MINDY2: variants seen among roughly 807,000 people sequenced by gnomAD.
The protein encoded by MINDY2 is ubiquitin carboxyl-terminal hydrolase MINDY-2.
In MINDY2, 52 loss-of-function variants were observed where a neutral mutation model predicts 68.2. The observed-to-expected ratio is 0.76, with a 90% CI of 0.61 to 0.96. The LOEUF (loss-of-function observed/expected upper bound fraction) is 0.96. MINDY2 is among the 40% of genes least tolerant of loss of function. The probability of loss-of-function intolerance (pLI) is 0.00; values close to 1 mark genes in which losing one functional copy is unlikely to be tolerated. For missense variants in MINDY2, 881 were observed against 773.4 expected (o/e 1.14, Z -1.65); for synonymous variants, 372 against 303.0 (o/e 1.23, Z -2.36).
chr15:58,800,444 A>G (rs945837375), intron 2 of MINDY2, among the ~76,000 whole-genome samples: 6 of 152,148 alleles, frequency 3.9e-5, no homozygotes, highest in African/African-American at 1.4e-4. Context: ...ACTTATCAGC[A>G]TATTATTTAG....
At chr15:58,810,148 G>C in intron 3 of MINDY2, 82 bp from the exon 4 acceptor site, 2 of 1,234,308 alleles carry the variant, frequency 1.6e-6, no homozygotes, top group Non-Finnish European at 2.3e-6. Flanking sequence ...AAAATTAAAA[G>C]TAAATGTGCT....
At chr15:58,849,808 C>G (rs914424095) in intron 7 of MINDY2, among the ~76,000 whole-genome samples, 1 of 152,092 alleles carries the variant, frequency 6.6e-6, no homozygotes, top group Non-Finnish European at 1.5e-5. Context: ...GTGGTGCGAT[C>G]TCGGCTCACT....
Position 58,831,804 on chromosome 15 carries a change from C to T in MINDY2, c.1256C>T (p.Thr419Ile). ...GTAGCTGAGCAGTTTCTAAATAACA[C>T]AGCCACTCAACTGACATACCATGGA... Reference protein sequence around the residue: ...GFVAEQFLNNTATQLTYHGLC... With the variant: ...GFVAEQFLNNIATQLTYHGLC... The change falls in exon 6 of 9, where the codon ACA becomes ATA. Residue 419 changes from threonine (T) to isoleucine (I), a missense_variant. Transcript: ENST00000559228. 1 of 1,613,440 alleles carries T rather than the reference C, an allele frequency of 6.2e-7. No homozygotes were observed. The highest frequency in any genetic ancestry group is 8.5e-7 in the Non-Finnish European group (1 of 1,179,682).
intron 4 of MINDY2, among the ~76,000 whole-genome samples, chr15:58,817,974 C>T (rs765208636): frequency 6.6e-6 from 1 of 151,942 alleles, no homozygotes; most frequent in African/African-American, 2.4e-5. Flanking sequence ...TGCCATAGTC[C>T]GAAACTGAAA....
chr15:58,776,897 G>A (rs1340578923), intron 1 of MINDY2, among the ~76,000 whole-genome samples: 3 of 152,030 alleles, frequency 2.0e-5, no homozygotes, highest in Admixed American at 2.0e-4. Flanking sequence ...AGAGGTAGAT[G>A]AAAATTGAAG....
At chr15:58,845,801 C>G (rs567332314) in intron 6 of MINDY2, among the ~76,000 whole-genome samples, 2 of 152,270 alleles carry the variant, frequency 1.3e-5, no homozygotes, top group East Asian at 3.9e-4. Flanking sequence ...CAAGCTGTGT[C>G]CATTGACAGA....
chr15:58,812,832 TGAGA>T (rs1240312873), intron 4 of MINDY2, among the ~76,000 whole-genome samples: 1 of 152,220 alleles, frequency 6.6e-6, no homozygotes, highest in Non-Finnish European at 1.5e-5. Context: ...CGTTCCAGCC[TGAGA>T]GAAAGAGCGA....
intron 2 of MINDY2, among the ~76,000 whole-genome samples, chr15:58,798,937 CA>C (rs1162218100): frequency 6.6e-6 from 1 of 152,064 alleles, no homozygotes; most frequent in Non-Finnish European, 1.5e-5. Flanking sequence ...TCTTAGCTAG[CA>C]AAGCCCTGAG....
chr15:58,795,656 G>A (rs1249969558), intron 2 of MINDY2, among the ~76,000 whole-genome samples: 1 of 152,086 alleles, frequency 6.6e-6, no homozygotes, highest in African/African-American at 2.4e-5. Context: ...CACCCGTCTC[G>A]GCCTCCCAAA....
intron 1 of MINDY2, among the ~76,000 whole-genome samples, chr15:58,776,775 A>G (rs1900799156): frequency 6.6e-6 from 1 of 152,172 alleles, no homozygotes; most frequent in Non-Finnish European, 1.5e-5. Flanking sequence ...TCGTCCCAGC[A>G]TTGTGGGAGG....
chr15:58,843,301 C>G (rs574036773), intron 6 of MINDY2, among the ~76,000 whole-genome samples: 13 of 152,076 alleles, frequency 8.5e-5, no homozygotes, highest in African/African-American at 2.7e-4. Context: ...AGGCATGTAC[C>G]ACTACACCTG....
intron 6 of MINDY2, among the ~76,000 whole-genome samples, chr15:58,840,839 T>G (rs1436564722): frequency 2.0e-5 from 3 of 147,702 alleles, no homozygotes; most frequent in African/African-American, 7.4e-5. Flanking sequence ...TTTTTTTTTT[T>G]TTGTATTTTT....
intron 2 of MINDY2, among the ~76,000 whole-genome samples, chr15:58,801,426 G>A (rs113646452): frequency 0.065 from 4,913 of 75,962 alleles, 116 homozygotes; most frequent in Middle Eastern, 0.092. Flanking sequence ...AATTATATAG[G>A]TAGAAAATTC....
intron 1 of MINDY2, among the ~76,000 whole-genome samples, chr15:58,775,065 A>G (rs1260456854): frequency 6.6e-6 from 1 of 152,218 alleles, no homozygotes; most frequent in African/African-American, 2.4e-5. Flanking sequence ...ACTAGAAGTC[A>G]AAGCTATTTT....
intron 5 of MINDY2, among the ~76,000 whole-genome samples, chr15:58,825,168 G>A (rs2031313083): frequency 6.6e-6 from 1 of 152,186 alleles, no homozygotes; most frequent in African/African-American, 2.4e-5. Flanking sequence ...TCCTATCAAG[G>A]TATGAGGAAT....
chr15:58,792,618 A>G (rs1902023611), intron 2 of MINDY2, among the ~76,000 whole-genome samples: 1 of 152,150 alleles, frequency 6.6e-6, no homozygotes, highest in Admixed American at 6.5e-5. Flanking sequence ...GGGGAAAAAA[A>G]GAAAAATGTT....
intron 2 of MINDY2, among the ~76,000 whole-genome samples, chr15:58,794,356 G>T (rs887452332): frequency 3.4e-4 from 32 of 92,844 alleles, no homozygotes; most frequent in Admixed American, 4.2e-4. Context: ...AGTTTTTTTT[G>T]GGGTGTGTGT....
intron 7 of MINDY2, 106 bp from the exon 8 acceptor site, chr15:58,851,665 T>C: frequency 1.1e-6 from 1 of 932,628 alleles, no homozygotes; most frequent in South Asian, 1.9e-5. Flanking sequence ...TGGTGTATTT[T>C]TTAATAGCCA....
intron 6 of MINDY2, among the ~76,000 whole-genome samples, chr15:58,836,013 C>T (rs2031975619): frequency 6.6e-6 from 1 of 151,974 alleles, no homozygotes; most frequent in Admixed American, 6.6e-5. Context: ...GGGTTCATGC[C>T]ATTCTCCTGC....
Sources: gnomAD v4.1 joint callset for allele counts (sites outside exome capture counted in the v4.1 genomes callset) on GRCh38, gnomAD v4.1.1 for gene constraint, MANE v1.5 for transcripts, NCBI Gene and HGNC (gene_info 2026-07-23, HGNC 2026-07-21) for gene names.